The following PDZD4 variants were observed in gnomAD, a reference collection of about 807,000 sequenced individuals.
The protein encoded by PDZD4 is PDZ domain containing 4, also known as PDZ domain-containing protein 4.
PDZD4 carries 9 observed loss-of-function variants against 38.5 expected under a neutral mutation model. The ratio of observed to expected loss-of-function variants is 0.23; its 90% CI spans 0.14 to 0.41. PDZD4 has a LOEUF of 0.41. Ranked by LOEUF, PDZD4 falls within the 10% of genes least tolerant of loss-of-function variation. The probability of loss-of-function intolerance (pLI) is 1.00; values close to 1 mark genes in which losing one functional copy is unlikely to be tolerated. For missense variants in PDZD4, 612 were observed against 722.0 expected (o/e 0.85, Z 1.75); for synonymous variants, 349 against 315.7 (o/e 1.11, Z -1.12).
intron 1 of PDZD4, chrX:153,829,591 G>T: frequency 2.4e-6 from 1 of 418,828 alleles, no homozygotes; most frequent in Non-Finnish European, 3.0e-6. Flanking sequence ...CGGGCCGCGG[G>T]GCTGGGCTCC....
chrX:153,810,203 G>A (rs1343531035), intron 1 of PDZD4, among the ~76,000 whole-genome samples: 8 of 112,667 alleles, frequency 7.1e-5, no homozygotes. Context: ...GCGGCTTATG[G>A]AAGGGCTGTT....
At chrX:153,824,162 C>T (rs2064456114) in intron 1 of PDZD4, among the ~76,000 whole-genome samples, 1 of 111,625 alleles carries the variant, frequency 9.0e-6, no homozygotes, top group Non-Finnish European at 1.9e-5. Context: ...CCTGCAACCA[C>T]GAATCTGCTC....
At chrX:153,806,667 C>A in intron 4 of PDZD4, 75 bp downstream of exon 4, 1 of 963,161 alleles carries the variant, frequency 1.0e-6, no homozygotes, top group South Asian at 2.0e-5. Flanking sequence ...GTAGCTGGGA[C>A]CTTAAGGGCA....
intron 1 of PDZD4, among the ~76,000 whole-genome samples, chrX:153,817,957 AG>A (rs1569543655): frequency 8.9e-6 from 1 of 112,665 alleles, no homozygotes; most frequent in African/African-American, 3.2e-5. Flanking sequence ...TAAAATCATA[AG>A]ATGACGGCCA....
At chrX:153,814,480 A>ACC (rs35283380) in intron 1 of PDZD4, among the ~76,000 whole-genome samples, 7,884 of 53,251 alleles carry the variant, frequency 0.15, 542 homozygotes, top group East Asian at 0.35. Context: ...TCCACCCCCC[A>ACC]CCCCCCCCCC....
Position 153,830,522 on chromosome X carries a change from C to A in PDZD4, c.-224G>T. 1 of 293,915 alleles carries A rather than the reference C, an allele frequency of 3.4e-6. No homozygotes were observed. Among genetic ancestry groups the A allele is most frequent in the Admixed American group, 6.7e-5 (1 of 14,840 alleles). 24.2% of individuals were successfully genotyped at this position (293,915 alleles called of 1,213,427 possible). A position where few individuals can be genotyped will look rare whatever the true frequency, so the allele number is the denominator to read the frequency against. On this transcript the variant is annotated 5_prime_UTR_variant, in exon 1 of 8. Transcript: ENST00000393758. ...GGCCAGGCGCGGGCATGCTCCCTCG[C>A]ACCCGGCCAGGAGAAAAAGGGCAGC...
intron 1 of PDZD4, among the ~76,000 whole-genome samples, chrX:153,828,262 C>A (rs2148480080): frequency 8.9e-6 from 1 of 112,633 alleles, no homozygotes; most frequent in East Asian, 2.8e-4. Context: ...TCATGGCTTG[C>A]ACTGCTTTCC....
chrX:153,820,932 A>G (rs1417969255), intron 1 of PDZD4, among the ~76,000 whole-genome samples: 6 of 112,167 alleles, frequency 5.3e-5, no homozygotes, highest in African/African-American at 1.9e-4. Flanking sequence ...ATTTGGGGTA[A>G]TATTTGGAGA....
At position 153,803,523 on chromosome X, in the gene PDZD4, T is replaced by C; in HGVS notation, c.2158A>G (p.Ser720Gly). The C allele has an allele frequency of 8.3e-7, 1 of 1,199,333 alleles. No homozygotes were observed. Among genetic ancestry groups the C allele is most frequent in the Non-Finnish European group, 1.1e-6 (1 of 888,321 alleles). The change falls in exon 8 of 8, where the codon AGC (serine) becomes GGC (glycine). Residue 720 changes from serine (S) to glycine (G), a missense_variant. Physicochemically the swap from Ser to Gly is moderately conservative, Grantham distance 56 (BLOSUM62 0). This residue lies in a region of PDZD4 where 87 missense variants were observed against 126.3 expected (regional missense o/e 0.69). Coordinates refer to ENST00000393758, the MANE Select transcript of PDZD4 (RefSeq NM_001303512.2). ...GCAATGATGTTGAGCTCGGGCTTGC[T>C]GTCGCCATTCTGCTGCTCCCGCAGG... Reference protein sequence around the residue: ...ECLREQQNGDSKPELNIIALS... With the variant: ...ECLREQQNGDGKPELNIIALS...
At chrX:153,812,783 C>T (rs1374103918) in intron 1 of PDZD4, among the ~76,000 whole-genome samples, 1 of 110,868 alleles carries the variant, frequency 9.0e-6, no homozygotes, top group Non-Finnish European at 1.9e-5. Flanking sequence ...CTGATGACAG[C>T]AGCTCTTCCA....
intron 1 of PDZD4, among the ~76,000 whole-genome samples, chrX:153,811,533 C>T (rs1487593064): frequency 8.9e-6 from 1 of 112,302 alleles, no homozygotes; most frequent in Non-Finnish European, 1.9e-5. Flanking sequence ...AGTGGACCAT[C>T]ATGTTCATCA....
At chrX:153,820,497 G>A (rs1557081035) in intron 1 of PDZD4, among the ~76,000 whole-genome samples, 1 of 110,703 alleles carries the variant, frequency 9.0e-6, no homozygotes, top group African/African-American at 3.3e-5. Context: ...TCCAGCCTGG[G>A]TGACACAGAG....
rs782411376 is a variant in PDZD4, at chrX:153,805,592, G to A, written c.582C>T (p.Asp194=). ...CCACCGCCTCTTCCCGGTTCTGGAC[G>A]TCTACACCGTTAATCTGAGGCAGGC... ...GDRIIQINGV[D]VQNREEAVAI... Residue 194 remains aspartate (D), a synonymous_variant, in exon 6 of 8, where the codon GAC becomes GAT. Coordinates refer to ENST00000393758, the MANE Select transcript of PDZD4 (RefSeq NM_001303512.2). The A allele has an allele frequency of 8.3e-6, 10 of 1,204,879 alleles. No homozygotes were observed. The highest frequency in any genetic ancestry group is 6.5e-5 in the Admixed American group (3 of 45,936).
intron 1 of PDZD4, among the ~76,000 whole-genome samples, chrX:153,823,239 T>A (rs1458415658): frequency 5.7e-5 from 6 of 104,407 alleles, no homozygotes; most frequent in African/African-American, 1.8e-4. Context: ...ATATATTTTT[T>A]TTTGAGATGG....
chrX:153,808,226 A>G, intron 2 of PDZD4, 116 bp downstream of exon 2: 1 of 1,070,942 alleles, frequency 9.3e-7, no homozygotes, highest in Non-Finnish European at 1.2e-6. Context: ...TACCACGGTC[A>G]GTTCTGGAGG....
rs781967122 is a variant in PDZD4 at position 153,808,464 on chromosome X, G to A, written c.192C>T (p.Asp64=). Residue 64 remains aspartate, a synonymous_variant, in exon 2 of 8, where the codon GAC becomes GAT. Transcript: ENST00000393758. ...PRLRGDSSCH[D]LQLVDSGTQT... ...GAGTGCCACTGTCCACCAGCTGCAG[G>A]TCGTGACAGGAGCTGTCCCCCCGGA... The A allele has an allele frequency of 2.5e-6, 3 of 1,211,593 alleles. No individual in the cohort carries two copies. The highest frequency in any genetic ancestry group is 3.5e-5 in the South Asian group (2 of 57,035).
chrX:153,807,006 GTC>G (rs2064257618), intron 3 of PDZD4, among the ~76,000 whole-genome samples, 166 bp from the exon 4 acceptor site: 1 of 112,116 alleles, frequency 8.9e-6, no homozygotes, highest in Admixed American at 9.4e-5. Context: ...CGCTTTGAGG[GTC>G]TCTCTTACCA....
intron 1 of PDZD4, 179 bp downstream of exon 1, chrX:153,830,060 T>G: frequency 1.8e-6 from 1 of 561,014 alleles, no homozygotes; most frequent in Non-Finnish European, 2.5e-6. Flanking sequence ...ACCCCACCCG[T>G]GGCTGGTTCC....
At position 153,803,680 on chromosome X, in the gene PDZD4, C is replaced by T. The variant is rs1557075410; in HGVS notation, c.2001G>A (p.Thr667=). Residue 667 remains threonine (T), a synonymous_variant, in exon 8 of 8, where the codon ACG becomes ACA. Transcript: ENST00000393758. ...TCTCGCTCACCGCGTCGTCGTCGGT[C>T]GTCATACCGCTGCGCTCCTCCCGGA... ...LKIREERSGM[T]TDDDAVSEMK... 2 of 1,209,407 alleles carry T rather than the reference C, an allele frequency of 1.7e-6. No homozygotes were observed. The highest frequency in any genetic ancestry group is 2.2e-5 in the Admixed American group (1 of 46,063).
Sources: allele counts gnomAD v4.1 joint callset (sites outside exome capture counted in the v4.1 genomes callset), GRCh38; gene constraint gnomAD v4.1.1; regional missense constraint gnomAD v4.1.1; transcripts MANE v1.5; gene names NCBI Gene and HGNC (gene_info 2026-07-23, HGNC 2026-07-21).